TM7SF3: variants seen among roughly 807,000 people sequenced by gnomAD.
TM7SF3 encodes transmembrane 7 superfamily member 3, also known as seven span transmembrane protein.
TM7SF3 carries 60 observed loss-of-function variants against 65.5 expected under a neutral mutation model. That is an observed-to-expected ratio of 0.92 (90% CI 0.74 to 1.14). The LOEUF is 1.14. Among genes scored for constraint, TM7SF3 ranks in the 50% most tolerant of loss-of-function variants. The probability of loss-of-function intolerance (pLI) is 0.00; values close to 1 mark genes in which losing one functional copy is unlikely to be tolerated. For synonymous variants in TM7SF3, 264 were observed against 259.6 expected, an observed-to-expected ratio of 1.02 and a Z score of -0.16; for missense variants, 623 against 684.8, an observed-to-expected ratio of 0.91 and a Z score of 1.01.
chr12:26,978,220 C>G (rs929883311), intron 9 of TM7SF3: 28 of 210,046 alleles, frequency 1.3e-4, no homozygotes. Context: ...ATTATTTTTA[C>G]CAATAGGAAT....
chr12:26,992,837 C>A (rs1252826008), intron 5 of TM7SF3, among the ~76,000 whole-genome samples: 1 of 151,572 alleles, frequency 6.6e-6, no homozygotes, highest in Non-Finnish European at 1.5e-5. Flanking sequence ...TATAACAATA[C>A]CTTAGCTCAC....
chr12:26,989,791 CCGTCTTTT>C (rs888559732), intron 6 of TM7SF3, among the ~76,000 whole-genome samples: 1 of 152,196 alleles, frequency 6.6e-6, no homozygotes, highest in African/African-American at 2.4e-5. Context: ...GCTCTTGCCT[CCGTCTTTT>C]CTCAAAAAGC....
At chr12:26,978,048 A>G (rs746687101) in intron 9 of TM7SF3, 3 of 449,728 alleles carry the variant, frequency 6.7e-6, no homozygotes, top group South Asian at 4.7e-5. Flanking sequence ...GTGAGCTATG[A>G]TAGTGTCACT....
Position 26,996,750 on chromosome 12 carries a change from G to A in TM7SF3, c.510C>T (p.Gly170=), listed in dbSNP as rs2136426930. 1 of 1,612,686 alleles carries A rather than the reference G, an allele frequency of 6.2e-7. No individual in the cohort carries two copies. Among genetic ancestry groups the A allele is most frequent in the Non-Finnish European group, 8.5e-7 (1 of 1,179,506 alleles). ...TTIKFAPANL[G]YARGVDPPPC... ...ATGGGAGACAGACGTACCTCGCATA[G>A]CCTAGGTTTGCTGGGGCAAACTTGA... Residue 170 remains glycine, a synonymous_variant, in exon 4 of 12, where the codon GGC becomes GGT. Transcript: ENST00000343028.
intron 8 of TM7SF3, 86 bp downstream of exon 8, chr12:26,980,480 T>C: frequency 4.0e-6 from 3 of 756,784 alleles, no homozygotes; most frequent in South Asian, 1.6e-5. Flanking sequence ...ACACACAATA[T>C]AGGCCAAACT....
chr12:26,977,916 A>G, intron 9 of TM7SF3: 1 of 308,060 alleles, frequency 3.2e-6, no homozygotes, highest in Non-Finnish European at 6.5e-6. Flanking sequence ...CCTAGGCAAC[A>G]GTGAGACTCT....
intron 9 of TM7SF3, chr12:26,978,650 C>A (rs918206560): frequency 1.3e-5 from 2 of 152,250 alleles, no homozygotes; most frequent in South Asian, 2.1e-4. Context: ...CATCATAGCT[C>A]ACTGCAGCCT....
chr12:26,983,121 T>C (rs1204586389), intron 6 of TM7SF3, among the ~76,000 whole-genome samples: 1 of 152,060 alleles, frequency 6.6e-6, no homozygotes, highest in Admixed American at 6.6e-5. Flanking sequence ...GAACACTTCC[T>C]ATGACATATT....
At chr12:26,999,996 C>A (rs1940764683) in intron 2 of TM7SF3, among the ~76,000 whole-genome samples, 1 of 152,202 alleles carries the variant, frequency 6.6e-6, no homozygotes, top group Non-Finnish European at 1.5e-5. Flanking sequence ...GGTGCCAACA[C>A]AGTCGGGTTC....
chr12:26,972,081 A>G lies in TM7SF3; in HGVS notation c.*1884T>C, dbSNP rs11551078. 2.6e-5 allele frequency: 4 copies of G among 152,220 alleles called. No individual in the cohort carries two copies. The highest frequency in any genetic ancestry group is 7.2e-5 in the African/African-American group (3 of 41,454). The allele number at this position is 152,220 out of a possible 1,614,324, so 9.4% of individuals were successfully genotyped here. On this transcript the variant is annotated 3_prime_UTR_variant, in exon 12 of 12. Coordinates refer to ENST00000343028, the MANE Select transcript of TM7SF3 (RefSeq NM_016551.3). ...CAACCCTAATACCACTCAGGCCTGC[A>G]GAGTCACCAGCTCACAATAATTCAG... is the stretch of plus-strand genomic sequence containing the variant.
chr12:26,998,682 T>C (rs1021162080), intron 3 of TM7SF3, among the ~76,000 whole-genome samples: 1 of 152,180 alleles, frequency 6.6e-6, no homozygotes, highest in Non-Finnish European at 1.5e-5. Context: ...TCTGTTCAGA[T>C]CCTCATTTCT....
chr12:26,975,745 C>G (rs1322573024), intron 10 of TM7SF3, 87 bp from the exon 11 acceptor site: 1 of 1,383,666 alleles, frequency 7.2e-7, no homozygotes, highest in African/African-American at 1.5e-5. Context: ...CACAGGCAAT[C>G]ACATCTGCTC....
chr12:26,988,103 A>C (rs574924933), intron 6 of TM7SF3, among the ~76,000 whole-genome samples: 1 of 152,196 alleles, frequency 6.6e-6, no homozygotes, highest in African/African-American at 2.4e-5. Context: ...ATACAACTAT[A>C]AAGAGACACA....
In TM7SF3 at chr12:26,975,477, T is replaced by A; in HGVS notation, c.1450+19A>T. On this transcript the variant is annotated intron_variant, in intron 11 of 11. Coordinates refer to ENST00000343028, the MANE Select transcript of TM7SF3 (RefSeq NM_016551.3). Reference sequence around the variant, plus strand: ...TCCTACTGTGCTGTCACACTGGTTTTTGGATTTAAGAGTCTTACCATTAGT... The same window carrying A: ...TCCTACTGTGCTGTCACACTGGTTTATGGATTTAAGAGTCTTACCATTAGT... 1 of 1,613,836 alleles carries A rather than the reference T, an allele frequency of 6.2e-7. No homozygotes were observed. Among genetic ancestry groups the A allele is most frequent in the Non-Finnish European group, 8.5e-7 (1 of 1,179,748 alleles).
At chr12:27,006,645 C>T (rs974325398) in intron 1 of TM7SF3, among the ~76,000 whole-genome samples, 3 of 152,236 alleles carry the variant, frequency 2.0e-5, no homozygotes, top group African/African-American at 7.2e-5. Flanking sequence ...ATCACCACTG[C>T]TAACAGTTGG....
intron 1 of TM7SF3, among the ~76,000 whole-genome samples, chr12:27,007,200 T>C (rs1458106646): frequency 6.6e-6 from 1 of 152,238 alleles, no homozygotes; most frequent in Non-Finnish European, 1.5e-5. Flanking sequence ...ACAACTTTCA[T>C]CTGTTATTTC....
At chr12:26,982,224 C>A (rs1592276580) in intron 7 of TM7SF3, among the ~76,000 whole-genome samples, 1 of 152,030 alleles carries the variant, frequency 6.6e-6, no homozygotes, top group African/African-American at 2.4e-5. Context: ...TTTGGAGAAA[C>A]AGGGTCTCAC....
chr12:26,976,098 G>C (rs906855511), intron 10 of TM7SF3, among the ~76,000 whole-genome samples, 162 bp downstream of exon 10: 2 of 152,172 alleles, frequency 1.3e-5, no homozygotes, highest in African/African-American at 4.8e-5. Context: ...ATCATAAATA[G>C]AACTTCGTTT....
At chr12:26,990,131 G>A (rs932574415) in intron 6 of TM7SF3, among the ~76,000 whole-genome samples, 30 of 152,132 alleles carry the variant, frequency 2.0e-4, no homozygotes, top group African/African-American at 6.3e-4. Context: ...CCCTGGCCAT[G>A]CTATCTATCT....
Sources: gnomAD v4.1 joint callset for allele counts (sites outside exome capture counted in the v4.1 genomes callset) on GRCh38, gnomAD v4.1.1 for gene constraint, MANE v1.5 for transcripts, NCBI Gene and HGNC (gene_info 2026-07-23, HGNC 2026-07-21) for gene names.